Variants in PYGL observed in about 807,000 individuals in gnomAD.
The protein encoded by PYGL is glycogen phosphorylase, liver form.
In PYGL, 90 loss-of-function variants were observed where a neutral mutation model predicts 100.1. The observed-to-expected ratio is 0.90, with a 90% CI of 0.76 to 1.07. The LOEUF (loss-of-function observed/expected upper bound fraction) is 1.07. PYGL is among the 50% of genes least tolerant of loss of function. PYGL has a pLI of 0.00. For synonymous variants in PYGL, 373 were observed against 393.0 expected (o/e 0.95, Z 0.60); for missense variants, 1,016 against 1,057.6 (o/e 0.96, Z 0.55).
intron 3 of PYGL, among the ~76,000 whole-genome samples, chr14:50,933,673 C>G (rs549110013): frequency 5.9e-5 from 9 of 152,244 alleles, no homozygotes; most frequent in Non-Finnish European, 1.2e-4. Flanking sequence ...CTCCTCCCTA[C>G]AGGGGGTCGT....
In PYGL at chr14:50,915,496, T is replaced by C; in HGVS notation, c.1243A>G (p.Ile415Val). ...YEINQKHLDR[I>V]VALFPKDVDR... ...ACATCTTTAGGAAACAAGGCCACAA[T>C]TCTCTAGCCAAAGGAAGAGAAAGCC... Residue 415 changes from isoleucine (I) to valine (V), a missense_variant, in exon 11 of 20, where the codon ATT (isoleucine) becomes GTT (valine). By Grantham distance (29) the Ile-to-Val change is conservative. Transcript: ENST00000216392. The C allele has an allele frequency of 6.2e-7, 1 of 1,614,224 alleles. No individual in the cohort carries two copies. Among genetic ancestry groups the C allele is most frequent in the Non-Finnish European group, 8.5e-7 (1 of 1,180,036 alleles).
At position 50,931,862 on chromosome 14, in the gene PYGL, C is replaced by T. The variant is rs11844515; in HGVS notation, c.425-86G>A. 42,838 of 1,033,592 alleles carry T rather than the reference C, an allele frequency of 0.041. 1,259 individuals carry two copies. The highest frequency in any genetic ancestry group is 0.12 in the African/African-American group (7,729 of 63,748). The allele number at this position is 1,033,592 out of a possible 1,614,324, so 64.0% of individuals were successfully genotyped here. On this transcript the variant is annotated intron_variant, in intron 3 of 19. Coordinates refer to ENST00000216392, the MANE Select transcript of PYGL (RefSeq NM_002863.5). Reference sequence around the variant, plus strand: ...CTTTCCCTAAAACACATGGCAGCCACAAAACATTGTTATATGAAGAACCAC... The same window carrying T: ...CTTTCCCTAAAACACATGGCAGCCATAAAACATTGTTATATGAAGAACCAC...
chr14:50,925,362 C>T (rs1044943663), intron 4 of PYGL, among the ~76,000 whole-genome samples: 1 of 152,156 alleles, frequency 6.6e-6, no homozygotes, highest in Non-Finnish European at 1.5e-5. Context: ...CATGACTATA[C>T]ATTAAAAAAT....
intron 2 of PYGL, among the ~76,000 whole-genome samples, chr14:50,936,645 C>T (rs142506647): frequency 9.6e-4 from 146 of 152,278 alleles, no homozygotes; most frequent in African/African-American, 3.2e-3. Flanking sequence ...CCCATCTCTA[C>T]TAAAAATACA....
At chr14:50,936,745 C>T (rs1016511016) in intron 2 of PYGL, among the ~76,000 whole-genome samples, 4 of 151,340 alleles carry the variant, frequency 2.6e-5, no homozygotes, top group Admixed American at 1.3e-4. Context: ...GAGCTGAGAT[C>T]GTGCCACTGC....
chr14:50,937,439 A>C (rs1450367414), intron 2 of PYGL, among the ~76,000 whole-genome samples: 1 of 152,234 alleles, frequency 6.6e-6, no homozygotes, highest in Non-Finnish European at 1.5e-5. Context: ...AGTACTTTTA[A>C]AAGGCTTGTT....
chr14:50,941,176 C>T (rs1890705), intron 1 of PYGL, among the ~76,000 whole-genome samples: 70,810 of 152,024 alleles, frequency 0.47, 18,177 homozygotes, highest in African/African-American at 0.66. Context: ...CAGAATGAGA[C>T]GGGATCATAT....
At position 50,921,257 on chromosome 14, in the gene PYGL, G is replaced by C. The variant is rs11157783; in HGVS notation, c.661-190C>G. The C allele has an allele frequency of 0.25, 148,127 of 590,560 alleles. 21,837 individuals are homozygous for C. The highest frequency in any genetic ancestry group is 0.55 in the East Asian group (19,412 of 35,088). The allele number at this position is 590,560 out of a possible 1,614,324, so 36.6% of individuals were successfully genotyped here. A position where few individuals can be genotyped will look rare whatever the true frequency, so the allele number is the denominator to read the frequency against. ...TTAGAGGAACATGTGGTTCCTCCCC[G>C]ACCTGGTACAATCTAGTGACTGAAA... is the stretch of plus-strand genomic sequence containing the variant. On this transcript the variant is annotated intron_variant, in intron 5 of 19. Coordinates refer to ENST00000216392, the MANE Select transcript of PYGL (RefSeq NM_002863.5).
rs1270431978 is a variant in PYGL, at chr14:50,936,585, G to A, written c.345+1151C>T. On this transcript the variant is annotated intron_variant, in intron 2 of 19. Transcript: ENST00000216392. ...GCATTTTGGGAGGCCAAGGTGGGTG[G>A]ATCACCTGAGGTCAGGAGTTCGAGA... Among the ~76,000 whole-genome samples the A allele has an allele frequency of 2.0e-5, 3 of 152,184 alleles. 1 individual carries two copies. Among genetic ancestry groups the A allele is most frequent in the South Asian group, 4.1e-4 (2 of 4,832 alleles).
chr14:50,913,310 C>A, intron 12 of PYGL, 180 bp from the exon 13 acceptor site: 1 of 501,614 alleles, frequency 2.0e-6, no homozygotes, highest in Non-Finnish European at 3.6e-6. Flanking sequence ...AACACTTTTG[C>A]TAGTATCTTA....
chr14:50,905,251 C>G lies in PYGL; in HGVS notation c.*141G>C. 1.2e-6 allele frequency: 1 copy of G among 865,286 alleles called. No homozygotes were observed. Among genetic ancestry groups the G allele is most frequent in the Non-Finnish European group, 1.8e-6 (1 of 551,668 alleles). 53.6% of individuals were successfully genotyped at this position (865,286 alleles called of 1,614,324 possible). ...GAAATTGACACTTTATTTTTAAGCT[C>G]TATTACATATAATTTCCCTCCCCAT... On this transcript the variant is annotated 3_prime_UTR_variant, in exon 20 of 20. Transcript: ENST00000216392.
At chr14:50,924,605 CTCTTTT>C (rs1446837113) in intron 4 of PYGL, among the ~76,000 whole-genome samples, 5 of 152,212 alleles carry the variant, frequency 3.3e-5, no homozygotes, top group African/African-American at 7.2e-5. Flanking sequence ...TTACAGAACA[CTCTTTT>C]AATCAAGCTT....
At chr14:50,924,805 A>C (rs1461253329) in intron 4 of PYGL, among the ~76,000 whole-genome samples, 1 of 152,208 alleles carries the variant, frequency 6.6e-6, no homozygotes. Flanking sequence ...TCAATTTATA[A>C]CAAAATATTT....
rs200920293 is a variant in PYGL at position 50,921,024 on chromosome 14, A to G, written c.704T>C (p.Met235Thr). Reference sequence around the variant, plus strand: ...GCGCATGGTGTTGACAGTGTTATTCATGTAGCCGGGCACGGGGGTGTCATA... The same window carrying G: ...GCGCATGGTGTTGACAGTGTTATTCGTGTAGCCGGGCACGGGGGTGTCATA... ...LPYDTPVPGYMNNTVNTMRLW... is the reference protein window; with the variant it reads ...LPYDTPVPGYTNNTVNTMRLW... The change falls in exon 6 of 20, where the codon ATG becomes ACG. Residue 235 changes from methionine to threonine, a missense_variant. By Grantham distance (81) the Met-to-Thr change is moderately conservative (BLOSUM62 -1). Transcript: ENST00000216392. The G allele has an allele frequency of 6.2e-6, 10 of 1,614,240 alleles. No homozygotes were observed. The East Asian group carries it at 2.0e-4, about 32-fold the overall frequency.
At chr14:50,915,697 G>A (rs985013921) in intron 10 of PYGL, 128 bp downstream of exon 10, 24 of 1,439,272 alleles carry the variant, frequency 1.7e-5, no homozygotes, top group East Asian at 4.9e-5. Flanking sequence ...TTGGAGCCCC[G>A]TTCGGACTTG....
intron 12 of PYGL, among the ~76,000 whole-genome samples, 180 bp downstream of exon 12, chr14:50,914,521 A>G (rs1363073529): frequency 6.7e-6 from 1 of 149,696 alleles, no homozygotes; most frequent in African/African-American, 2.5e-5. Context: ...TAATAATAAT[A>G]AATAATTTCA....
At chr14:50,921,161 C>A in intron 5 of PYGL, 94 bp from the exon 6 acceptor site, 1 of 991,352 alleles carries the variant, frequency 1.0e-6, no homozygotes, top group Non-Finnish European at 1.6e-6. Flanking sequence ...GAATTCTATT[C>A]CTGGCTCCAT....
Position 50,914,683 on chromosome 14 carries a change from T to C in PYGL, c.1518+18A>G. The stretch of plus-strand genomic sequence containing the variant: ...CATTCGAGTCAGGCCTCCTTTCCTC[T>C]CAGCACTTCCCAGTTACCTCTGCTA... On this transcript the variant is annotated intron_variant, in intron 12 of 19. Transcript: ENST00000216392. 1 of 1,591,454 alleles carries C rather than the reference T, an allele frequency of 6.3e-7. No homozygotes were observed. Among genetic ancestry groups the C allele is most frequent in the Non-Finnish European group, 8.6e-7 (1 of 1,159,682 alleles).
intron 6 of PYGL, 127 bp from the exon 7 acceptor site, chr14:50,920,750 T>G: frequency 8.9e-7 from 1 of 1,128,142 alleles, no homozygotes; most frequent in Non-Finnish European, 1.3e-6. Context: ...CCCAAAGGAT[T>G]TCAACACACC....
Sources: gnomAD v4.1 joint callset for allele counts (sites outside exome capture counted in the v4.1 genomes callset) on GRCh38, gnomAD v4.1.1 for gene constraint, MANE v1.5 for transcripts, NCBI Gene and HGNC (gene_info 2026-07-23, HGNC 2026-07-21) for gene names.